Variants in UBASH3A observed in about 807,000 individuals in gnomAD.
UBASH3A encodes the protein ubiquitin associated and SH3 domain containing A.
UBASH3A carries 63 observed loss-of-function variants against 73.5 expected under a neutral mutation model. That is an observed-to-expected ratio of 0.86 (90% CI 0.70 to 1.06). The LOEUF (loss-of-function observed/expected upper bound fraction) is 1.06. Ranked by LOEUF, UBASH3A falls within the 50% of genes least tolerant of loss-of-function variation. The pLI is 0.00. For missense variants in UBASH3A, 860 were observed against 859.0 expected (o/e 1.00, Z -0.02); for synonymous variants, 363 against 351.1 (o/e 1.03, Z -0.38).
Position 42,442,561 on chromosome 21 carries a change from G to A in UBASH3A, c.1596G>A (p.Leu532=), listed in dbSNP as rs142003108. The A allele has an allele frequency of 2.7e-5, 44 of 1,614,098 alleles. No individual in the cohort carries two copies. In the African/African-American group the frequency reaches 3.2e-4, roughly 12 times the overall value. ...CAACCCTCATGAGCCTGGAAGAGCTGAAAGAGGCAAATTTCAACATTGACA... is the reference window on the plus strand; with the variant it reads ...CAACCCTCATGAGCCTGGAAGAGCTAAAAGAGGCAAATTTCAACATTGACA... ...TTPTLMSLEE[L]KEANFNIDTD... is the part of the protein sequence containing the mutation. The change falls in exon 12 of 15, where the codon CTG becomes CTA. Residue 532 remains leucine, a synonymous_variant. Coordinates refer to ENST00000319294, the MANE Select transcript of UBASH3A (RefSeq NM_018961.4).
At chr21:42,434,506 G>A (rs568704012) in intron 9 of UBASH3A, among the ~76,000 whole-genome samples, 15 of 152,330 alleles carry the variant, frequency 9.8e-5, no homozygotes, top group African/African-American at 3.4e-4. Flanking sequence ...CACTAAACTA[G>A]TCATAGAGAC....
chr21:42,418,529 A>C lies in UBASH3A; in HGVS notation c.966A>C (p.Ser322=). The change falls in exon 7 of 15, where the codon TCA becomes TCC. Residue 322 remains serine, a synonymous_variant. Coordinates refer to ENST00000319294, the MANE Select transcript of UBASH3A (RefSeq NM_018961.4). ...EASEGWVIGI[S]QRTGCRGFLP... is the part of the protein sequence containing the mutation. ...GCGAGGGCTGGGTGATTGGGATCTC[A>C]CAGCGGACGGGCTGCCGGGGCTTCC... is the stretch of plus-strand genomic sequence containing the variant. The C allele has an allele frequency of 1.2e-6, 2 of 1,614,176 alleles. No individual in the cohort carries two copies. The highest frequency in any genetic ancestry group is 1.7e-6 in the Non-Finnish European group (2 of 1,179,988).
chr21:42,429,824 T>C (rs1215001697), intron 8 of UBASH3A, among the ~76,000 whole-genome samples: 1 of 152,144 alleles, frequency 6.6e-6, no homozygotes, highest in African/African-American at 2.4e-5. Flanking sequence ...AAAGCAATAC[T>C]ATTCACTTGG....
At chr21:42,406,275 C>T (rs370589466) in intron 1 of UBASH3A, 33 bp from the exon 2 acceptor site, 28 of 1,602,758 alleles carry the variant, frequency 1.7e-5, no homozygotes, top group Middle Eastern at 1.6e-4. Flanking sequence ...GAATGGGCGA[C>T]GTGACTTTGT....
Position 42,426,689 on chromosome 21 carries a change from C to A in UBASH3A, c.1047-8C>A. The A allele has an allele frequency of 1.9e-6, 3 of 1,613,300 alleles. No individual in the cohort carries two copies. Among genetic ancestry groups the A allele is most frequent in the Non-Finnish European group, 1.7e-6 (2 of 1,179,552 alleles). On this transcript the variant is annotated splice_polypyrimidine_tract_variant and splice_region_variant and intron_variant, in intron 7 of 14. Coordinates refer to ENST00000319294, the MANE Select transcript of UBASH3A (RefSeq NM_018961.4). Reference sequence around the variant, plus strand: ...TTCTGTTCAAGCCGTGCTTTCCTTCCCCTGCAGGATGTACACCTTCAGTCT... The same window carrying A: ...TTCTGTTCAAGCCGTGCTTTCCTTCACCTGCAGGATGTACACCTTCAGTCT...
At chr21:42,432,024 T>C in intron 8 of UBASH3A, 79 bp from the exon 9 acceptor site, 1 of 818,816 alleles carries the variant, frequency 1.2e-6, no homozygotes, top group Middle Eastern at 2.8e-4. Context: ...GCTGGGTGAC[T>C]GGGAGAGCTG....
In UBASH3A at chr21:42,410,035, G is replaced by A; in HGVS notation, c.354+427G>A. 1.4e-5 allele frequency: 10 copies of A among 700,994 alleles called. No homozygotes were observed. The South Asian group carries it at 1.5e-4, about 10-fold the overall frequency. The allele number at this position is 700,994 out of a possible 1,614,324, so 43.4% of individuals were successfully genotyped here. ...GCACAGCCCCTAAAACAGAGTTTGT[G>A]CTTCCAAAATGTGTGGTAAGTCAAC... On this transcript the variant is annotated intron_variant, in intron 3 of 14. Transcript: ENST00000319294.
chr21:42,406,340 C>T lies in UBASH3A; in HGVS notation c.146C>T (p.Thr49Met), dbSNP rs771580886. ...GCGTTGGCAGCCACGGGGAGGAAGA[C>T]GGCGGAGGAGGCCTTGGCCTGGTGA... is the stretch of plus-strand genomic sequence containing the variant. Reference protein sequence around the residue: ...LKALAATGRKTAEEALAWLHD... With the variant: ...LKALAATGRKMAEEALAWLHD... Residue 49 changes from threonine to methionine, a missense_variant, in exon 2 of 15, where the codon ACG (threonine) becomes ATG (methionine). By Grantham distance (81) the Thr-to-Met change is moderately conservative. Coordinates refer to ENST00000319294, the MANE Select transcript of UBASH3A (RefSeq NM_018961.4). 2.3e-5 allele frequency: 37 copies of T among 1,613,896 alleles called. No homozygotes were observed. In the Admixed American group the frequency reaches 2.7e-4, roughly 12 times the overall value.
chr21:42,409,088 A>G (rs1042446475), intron 2 of UBASH3A, among the ~76,000 whole-genome samples: 1 of 152,154 alleles, frequency 6.6e-6, no homozygotes, highest in Non-Finnish European at 1.5e-5. Context: ...CACACCATCA[A>G]GGAGATGCTG....
chr21:42,407,140 C>T (rs945701854), intron 2 of UBASH3A, among the ~76,000 whole-genome samples: 1 of 152,176 alleles, frequency 6.6e-6, no homozygotes, highest in Non-Finnish European at 1.5e-5. Flanking sequence ...CTGTTCTCTG[C>T]TCTGGGGATG....
At chr21:42,416,317 T>C in intron 5 of UBASH3A, 125 bp from the exon 6 acceptor site, 2 of 997,014 alleles carry the variant, frequency 2.0e-6, no homozygotes, top group Non-Finnish European at 2.8e-6. Context: ...ATGTGAGTTC[T>C]GAGCGGGCCA....
intron 6 of UBASH3A, among the ~76,000 whole-genome samples, chr21:42,418,183 C>T (rs1447493985): frequency 1.3e-5 from 2 of 152,130 alleles, no homozygotes. Context: ...CGCCTGGCCC[C>T]AAAATGTATT....
intron 13 of UBASH3A, 113 bp downstream of exon 13, chr21:42,443,531 G>GC: frequency 2.4e-6 from 2 of 840,362 alleles, no homozygotes; most frequent in Non-Finnish European, 3.6e-6. Context: ...TCTCCTGCCT[G>GC]CCCCCGCCCC....
At chr21:42,407,166 G>A (rs956018268) in intron 2 of UBASH3A, among the ~76,000 whole-genome samples, 10 of 152,110 alleles carry the variant, frequency 6.6e-5, no homozygotes, top group Admixed American at 4.6e-4. Flanking sequence ...GAGGGCCACC[G>A]TTTCTCTAAA....
chr21:42,441,027 G>A lies in UBASH3A; in HGVS notation c.1487-1425G>A, dbSNP rs138877837. On this transcript the variant is annotated intron_variant, in intron 11 of 14. Transcript: ENST00000319294. ...CAGCAATAATGTCAAAATCTTTAAT[G>A]TGATCTCTCAGTGACCTTTAAGTGC... is the stretch of plus-strand genomic sequence containing the variant. Among the ~76,000 whole-genome samples the A allele has an allele frequency of 4.2e-3, 635 of 152,228 alleles. 3 individuals carry two copies. Among genetic ancestry groups the A allele is most frequent in the African/African-American group, 0.014 (577 of 41,504 alleles).
Position 42,404,007 on chromosome 21 carries a change from G to T in UBASH3A, c.62G>T (p.Ser21Ile), listed in dbSNP as rs1304792410. Reference sequence around the variant, plus strand: ...TCCAACAAGCTCAAGAGCCGCAGCAGCCCCTCGCTCCTGGAGCCCCTCCTG... The same window carrying T: ...TCCAACAAGCTCAAGAGCCGCAGCATCCCCTCGCTCCTGGAGCCCCTCCTG... Reference protein sequence around the residue: ...KVSNKLKSRSSPSLLEPLLAM... With the variant: ...KVSNKLKSRSIPSLLEPLLAM... The change falls in exon 1 of 15, where the codon AGC (serine) becomes ATC (isoleucine). Residue 21 changes from serine to isoleucine, a missense_variant. Transcript: ENST00000319294. The T allele has an allele frequency of 6.5e-7, 1 of 1,529,150 alleles. No individual in the cohort carries two copies. The highest frequency in any genetic ancestry group is 2.0e-5 in the Admixed American group (1 of 49,424). The allele number at this position is 1,529,150 out of a possible 1,614,324, so 94.7% of individuals were successfully genotyped here. A position where few individuals can be genotyped will look rare whatever the true frequency, so the allele number is the denominator to read the frequency against.
chr21:42,404,380 T>C (rs2052926322), intron 1 of UBASH3A, among the ~76,000 whole-genome samples: 1 of 140,704 alleles, frequency 7.1e-6, no homozygotes, highest in Non-Finnish European at 1.7e-5. Context: ...TAAAATATTA[T>C]GAGATTTTTT....
chr21:42,404,015 C>G lies in UBASH3A; in HGVS notation c.70C>G (p.Leu24Val). 6.5e-7 allele frequency: 1 copy of G among 1,526,822 alleles called. No homozygotes were observed. The highest frequency in any genetic ancestry group is 8.8e-7 in the Non-Finnish European group (1 of 1,132,906). The allele number at this position is 1,526,822 out of a possible 1,614,324, so 94.6% of individuals were successfully genotyped here. The change falls in exon 1 of 15, where the codon CTC becomes GTC. Residue 24 changes from leucine to valine, a missense_variant. Physicochemically the swap from Leu to Val is conservative, Grantham distance 32. Coordinates refer to ENST00000319294, the MANE Select transcript of UBASH3A (RefSeq NM_018961.4). Reference sequence around the variant, plus strand: ...GCTCAAGAGCCGCAGCAGCCCCTCGCTCCTGGAGCCCCTCCTGGCCATGGG... The same window carrying G: ...GCTCAAGAGCCGCAGCAGCCCCTCGGTCCTGGAGCCCCTCCTGGCCATGGG... ...NKLKSRSSPS[L>V]LEPLLAMGFP...
chr21:42,409,755 T>G (rs910126894), intron 3 of UBASH3A, 147 bp downstream of exon 3: 11 of 695,242 alleles, frequency 1.6e-5, no homozygotes, highest in Admixed American at 2.9e-5. Context: ...TGAGCTGTCC[T>G]TTATTTTCCT....
Sources: gnomAD v4.1 joint callset for allele counts (sites outside exome capture counted in the v4.1 genomes callset) on GRCh38, gnomAD v4.1.1 for gene constraint, MANE v1.5 for transcripts, NCBI Gene and HGNC (gene_info 2026-07-23, HGNC 2026-07-21) for gene names.